Variants in PDGFD observed in about 807,000 individuals in gnomAD.
The protein encoded by PDGFD is platelet derived growth factor D.
PDGFD carries 30 observed loss-of-function variants against 44.7 expected under a neutral mutation model. The ratio of observed to expected loss-of-function variants is 0.67; its 90% CI spans 0.50 to 0.91. The LOEUF (loss-of-function observed/expected upper bound fraction) is 0.91, where lower values mean the gene tolerates loss of function less well. Among genes scored for constraint, PDGFD ranks in the 40% least tolerant of loss-of-function variants. The pLI, the probability that PDGFD is intolerant of heterozygous loss-of-function variation, is 0.00. For missense variants in PDGFD, 445 were observed against 457.8 expected (o/e 0.97, Z 0.25); for synonymous variants, 173 against 168.4 (o/e 1.03, Z -0.21).
At chr11:103,929,125 C>T (rs566281731) in intron 5 of PDGFD, among the ~76,000 whole-genome samples, 5 of 152,290 alleles carry the variant, frequency 3.3e-5, no homozygotes, top group Admixed American at 2.6e-4. Context: ...TATGTCATAA[C>T]CTTACAGATA....
intron 1 of PDGFD, among the ~76,000 whole-genome samples, chr11:104,119,179 T>TAC (rs1252887325): frequency 0.014 from 91 of 6,692 alleles, 9 homozygotes; most frequent in Non-Finnish European, 0.017. Context: ...AATATATTAA[T>TAC]ATAATATATT....
chr11:104,010,254 T>C (rs985842503), intron 1 of PDGFD, among the ~76,000 whole-genome samples: 28 of 152,104 alleles, frequency 1.8e-4, no homozygotes, highest in African/African-American at 6.5e-4. Context: ...TAAACAGCCA[T>C]GCTCACAGTA....
At chr11:104,001,866 A>G (rs1859624943) in intron 1 of PDGFD, among the ~76,000 whole-genome samples, 3 of 152,230 alleles carry the variant, frequency 2.0e-5, no homozygotes, top group Admixed American at 2.0e-4. Flanking sequence ...AAAATAAGAC[A>G]AAGAGGATAA....
chr11:104,050,145 T>C (rs1246875892), intron 1 of PDGFD, among the ~76,000 whole-genome samples: 1 of 152,074 alleles, frequency 6.6e-6, no homozygotes, highest in Non-Finnish European at 1.5e-5. Context: ...GAGTAATTCA[T>C]ACAGCACAGT....
chr11:104,081,156 G>A (rs911822340), intron 1 of PDGFD, among the ~76,000 whole-genome samples: 6 of 152,068 alleles, frequency 3.9e-5, no homozygotes, highest in Non-Finnish European at 5.9e-5. Context: ...AATACCAAAT[G>A]AGAGTCTAGT....
chr11:104,024,772 T>A (rs1365119206), intron 1 of PDGFD, among the ~76,000 whole-genome samples: 1 of 152,210 alleles, frequency 6.6e-6, no homozygotes, highest in African/African-American at 2.4e-5. Flanking sequence ...GTCAAAGCAA[T>A]GAGATAGATA....
chr11:103,965,892 T>C (rs1223352416), intron 3 of PDGFD, among the ~76,000 whole-genome samples: 1 of 152,198 alleles, frequency 6.6e-6, no homozygotes, highest in Non-Finnish European at 1.5e-5. Context: ...ATGAAGCAGA[T>C]GAGCGAGGAA....
At chr11:103,916,290 C>T (rs1277104879) in intron 6 of PDGFD, among the ~76,000 whole-genome samples, 5 of 151,372 alleles carry the variant, frequency 3.3e-5, no homozygotes, top group Non-Finnish European at 7.4e-5. Context: ...TATGAGCAGA[C>T]ACTTCTCAAA....
chr11:103,911,774 G>C lies in PDGFD; in HGVS notation c.988-1955C>G, dbSNP rs7125245. Among the ~76,000 whole-genome samples, 1,019 of 152,056 alleles carry C rather than the reference G, an allele frequency of 6.7e-3. 11 individuals carry two copies. Among genetic ancestry groups the C allele is most frequent in the African/African-American group, 0.024 (982 of 41,482 alleles). Reference sequence around the variant, plus strand: ...TGCTAACTAGAATAATCAGTGTAGAGAAGAACATAAATGACCTGATGGAGC... The same window carrying C: ...TGCTAACTAGAATAATCAGTGTAGACAAGAACATAAATGACCTGATGGAGC... On this transcript the variant is annotated intron_variant, in intron 6 of 6. Coordinates refer to ENST00000393158, the MANE Select transcript of PDGFD (RefSeq NM_025208.5).
intron 1 of PDGFD, among the ~76,000 whole-genome samples, chr11:104,069,517 T>C (rs1011652492): frequency 2.0e-5 from 3 of 152,222 alleles, no homozygotes; most frequent in African/African-American, 7.2e-5. Flanking sequence ...ACATTTCTTT[T>C]AGCATTCATG....
At chr11:103,957,812 G>A (rs1208205365) in intron 3 of PDGFD, among the ~76,000 whole-genome samples, 1 of 152,012 alleles carries the variant, frequency 6.6e-6, no homozygotes, top group Non-Finnish European at 1.5e-5. Flanking sequence ...TAGAGAGAGG[G>A]GTGCCGCATA....
intron 5 of PDGFD, among the ~76,000 whole-genome samples, chr11:103,930,581 A>G (rs1858385823): frequency 6.6e-6 from 1 of 151,788 alleles, no homozygotes; most frequent in Non-Finnish European, 1.5e-5. Flanking sequence ...GTCCACAGCC[A>G]TACAACCAGT....
chr11:104,163,154 G>A (rs1270627469), intron 1 of PDGFD, among the ~76,000 whole-genome samples: 1 of 152,100 alleles, frequency 6.6e-6, no homozygotes, highest in African/African-American at 2.4e-5. Flanking sequence ...TGGTGCCCCT[G>A]TGGTACTGAT....
intron 2 of PDGFD, 64 bp downstream of exon 2, chr11:103,999,987 T>G (rs1007302225): frequency 7.1e-7 from 1 of 1,412,920 alleles, no homozygotes; most frequent in Admixed American, 1.7e-5. Flanking sequence ...ATACGATGCT[T>G]TAAATTCATC....
At chr11:104,122,198 T>C (rs1350773566) in intron 1 of PDGFD, among the ~76,000 whole-genome samples, 1 of 152,010 alleles carries the variant, frequency 6.6e-6, no homozygotes, top group African/African-American at 2.4e-5. Flanking sequence ...TGCTGGCAGC[T>C]GTGCCAACAG....
Position 103,947,695 on chromosome 11 carries a change from C to T in PDGFD, c.540G>A (p.Glu180=), listed in dbSNP as rs749089826. The T allele has an allele frequency of 1.2e-6, 2 of 1,613,648 alleles. No homozygotes were observed. The highest frequency in any genetic ancestry group is 1.7e-6 in the Non-Finnish European group (2 of 1,179,666). ...LEDFQPAAAS[E]TNWESVTSSI... ...AGCTTGTGACAGATTCCCAGTTGGT[C>T]TCTGAAGCTGCTGCGGGTTGGAAAT... The change falls in exon 4 of 7, where the codon GAG becomes GAA. Residue 180 remains glutamate (E), a synonymous_variant. Transcript: ENST00000393158.
intron 3 of PDGFD, among the ~76,000 whole-genome samples, chr11:103,958,033 T>C (rs1236594443): frequency 1.3e-5 from 2 of 152,028 alleles, no homozygotes. Flanking sequence ...TTAAATTTTG[T>C]GACTAGTTGT....
chr11:103,914,615 G>A (rs1591073569), intron 6 of PDGFD, among the ~76,000 whole-genome samples: 2 of 152,094 alleles, frequency 1.3e-5, no homozygotes, highest in African/African-American at 2.4e-5. Flanking sequence ...GCATCATCCT[G>A]ATACCAAAAC....
intron 1 of PDGFD, among the ~76,000 whole-genome samples, chr11:104,155,122 A>G (rs1214002077): frequency 6.6e-6 from 1 of 152,230 alleles, no homozygotes; most frequent in Non-Finnish European, 1.5e-5. Flanking sequence ...GAAGAATGAT[A>G]ATAATACTTT....
Sources: gnomAD v4.1 joint callset for allele counts (sites outside exome capture counted in the v4.1 genomes callset) on GRCh38, gnomAD v4.1.1 for gene constraint, MANE v1.5 for transcripts, NCBI Gene and HGNC (gene_info 2026-07-23, HGNC 2026-07-21) for gene names.